DPP6: variants seen among roughly 807,000 people sequenced by gnomAD.
DPP6 encodes the protein dipeptidyl peptidase like 6, also known as A-type potassium channel modulatory protein DPP6.
A neutral mutation model predicts 122.6 loss-of-function variants in DPP6; 69 were observed. That is an observed-to-expected ratio of 0.56 (90% CI 0.46 to 0.69). DPP6 has a LOEUF of 0.69. Ranked by LOEUF, DPP6 falls within the 30% of genes least tolerant of loss-of-function variation. DPP6 has a pLI of 0.00. For missense variants in DPP6, 928 were observed against 1,116.9 expected (o/e 0.83, Z 2.41); for synonymous variants, 418 against 433.1 (o/e 0.97, Z 0.43).
the DPP6 span, among the ~76,000 whole-genome samples, chr7:153,787,007 A>C: frequency 6.8e-6 from 1 of 146,602 alleles, no homozygotes; most frequent in African/African-American, 2.5e-5. Context: ...GCTGGAGTGC[A>C]GTGGTGCGAT....
At position 154,282,396 on chromosome 7, in the gene DPP6, G is replaced by A. The variant is rs1050339866; in HGVS notation, c.244-163818G>A. 4.6e-5 allele frequency among the ~76,000 whole-genome samples: 7 copies of A among 152,224 alleles called. No homozygotes were observed. Among genetic ancestry groups the A allele is most frequent in the Admixed American group, 2.6e-4 (4 of 15,280 alleles). On this transcript the variant is annotated intron_variant, in intron 1 of 25. Coordinates refer to ENST00000377770, the MANE Select transcript of DPP6 (RefSeq NM_130797.4). The surrounding 1 kb of genome is among the most constrained non-coding windows in gnomAD (Gnocchi z 4.8). ...GTGCACTGTTAACTGAGCAGAGGCA[G>A]CCGTACCTGGGGTGCTGATTAGCAC... is the stretch of plus-strand genomic sequence containing the variant.
At chr7:154,862,662 G>C (rs975600795) in intron 17 of DPP6, among the ~76,000 whole-genome samples, 5 of 152,218 alleles carry the variant, frequency 3.3e-5, no homozygotes, top group African/African-American at 1.2e-4. Context: ...CACTGTGCCA[G>C]CCACTGCACC....
At chr7:154,482,977 G>C (rs1003162144) in intron 3 of DPP6, among the ~76,000 whole-genome samples, 1 of 152,158 alleles carries the variant, frequency 6.6e-6, no homozygotes, top group Non-Finnish European at 1.5e-5. Flanking sequence ...GCAATAACTC[G>C]GTGGAAATGT....
the DPP6 span, among the ~76,000 whole-genome samples, chr7:153,869,989 T>C: frequency 1.3e-5 from 2 of 152,208 alleles, no homozygotes; most frequent in Non-Finnish European, 2.9e-5. Flanking sequence ...CCTATTCTCT[T>C]CTGGCTTGTA....
chr7:153,999,839 G>T (rs1389098949), intron 1 of DPP6, among the ~76,000 whole-genome samples: 3 of 152,102 alleles, frequency 2.0e-5, no homozygotes, highest in Non-Finnish European at 4.4e-5. Flanking sequence ...TGTGCCTGTT[G>T]TCCCAGCTAA....
intron 3 of DPP6, among the ~76,000 whole-genome samples, chr7:154,485,607 A>G (rs933647932): frequency 6.6e-6 from 1 of 152,246 alleles, no homozygotes; most frequent in Non-Finnish European, 1.5e-5. Flanking sequence ...TTATTTGCTT[A>G]AACTTCTGCA....
chr7:154,257,502 C>G (rs958774635), intron 1 of DPP6, among the ~76,000 whole-genome samples: 9 of 151,990 alleles, frequency 5.9e-5, no homozygotes, highest in South Asian at 2.1e-4. Context: ...CAAGACCAGC[C>G]TGGCTAACAT....
intron 5 of DPP6, among the ~76,000 whole-genome samples, chr7:154,597,277 G>A (rs1476926676): frequency 1.3e-5 from 2 of 152,004 alleles, no homozygotes; most frequent in Non-Finnish European, 2.9e-5. Flanking sequence ...TTGTGGGTTG[G>A]TGTCTCCTGG....
intron 6 of DPP6, among the ~76,000 whole-genome samples, chr7:154,664,000 C>A (rs1262082065): frequency 1.0e-5 from 1 of 99,910 alleles, no homozygotes; most frequent in Non-Finnish European, 2.4e-5. Flanking sequence ...ATCACCATAG[C>A]GTATTGGCCA....
chr7:154,008,220 C>T (rs1797994966), intron 1 of DPP6, among the ~76,000 whole-genome samples: 1 of 152,102 alleles, frequency 6.6e-6, no homozygotes, highest in African/African-American at 2.4e-5. Flanking sequence ...TTGCAAAAGT[C>T]CACACCCCTG....
intron 1 of DPP6, among the ~76,000 whole-genome samples, chr7:154,165,940 C>T (rs1219727377): frequency 6.6e-6 from 1 of 152,172 alleles, no homozygotes; most frequent in Non-Finnish European, 1.5e-5. Flanking sequence ...CCATAAAACA[C>T]TCAGTTTAAA....
intron 1 of DPP6, among the ~76,000 whole-genome samples, chr7:154,344,504 T>C (rs1484856026): frequency 1.3e-5 from 2 of 152,162 alleles, no homozygotes; most frequent in South Asian, 2.1e-4. Flanking sequence ...GAGAGTAGTA[T>C]GGAGGTTCCT....
chr7:154,683,220 T>G (rs1203673469), intron 7 of DPP6, among the ~76,000 whole-genome samples: 1 of 152,184 alleles, frequency 6.6e-6, no homozygotes, highest in Non-Finnish European at 1.5e-5. Flanking sequence ...GTTGGTGAGC[T>G]GAGTGTGCCG....
intron 1 of DPP6, among the ~76,000 whole-genome samples, chr7:153,989,558 C>A (rs1797047105): frequency 6.6e-6 from 1 of 151,842 alleles, no homozygotes; most frequent in Middle Eastern, 3.4e-3. Flanking sequence ...AGCTTCCTTG[C>A]CAACGTGTGC....
At chr7:154,620,449 G>A (rs1834568789) in intron 5 of DPP6, among the ~76,000 whole-genome samples, 1 of 152,140 alleles carries the variant, frequency 6.6e-6, no homozygotes, top group African/African-American at 2.4e-5. Context: ...AATGTTTTTG[G>A]AACTGTCAAA....
At chr7:154,028,145 T>C (rs528924701) in intron 1 of DPP6, among the ~76,000 whole-genome samples, 1 of 152,024 alleles carries the variant, frequency 6.6e-6, no homozygotes, top group African/African-American at 2.4e-5. Context: ...AGCTATGACA[T>C]TTGTGTGGGG....
chr7:154,347,046 G>GCA (rs1810459658), intron 1 of DPP6, among the ~76,000 whole-genome samples: 1 of 152,062 alleles, frequency 6.6e-6, no homozygotes, highest in African/African-American at 2.4e-5. Context: ...GTGCATGCAC[G>GCA]TACACACACA....
intron 11 of DPP6, 106 bp downstream of exon 11, chr7:154,794,308 G>T: frequency 2.2e-6 from 3 of 1,383,266 alleles, no homozygotes; most frequent in Non-Finnish European, 2.8e-6. Flanking sequence ...GGGACTTGGG[G>T]ACCGGCCGCC....
chr7:154,423,118 C>G (rs988822520), intron 1 of DPP6, among the ~76,000 whole-genome samples: 1 of 152,078 alleles, frequency 6.6e-6, no homozygotes, highest in African/African-American at 2.4e-5. Context: ...AGGCATGACA[C>G]AAGGTGGTAA....
Sources: allele counts gnomAD v4.1 joint callset (sites outside exome capture counted in the v4.1 genomes callset), GRCh38; gene constraint gnomAD v4.1.1; non-coding constraint Gnocchi (gnomAD v3.1); transcripts MANE v1.5; gene names NCBI Gene and HGNC (gene_info 2026-07-23, HGNC 2026-07-21).